DIAPH3: variants seen among roughly 807,000 people sequenced by gnomAD.
DIAPH3 encodes the protein diaphanous related formin 3.
DIAPH3 carries 117 observed loss-of-function variants against 144.3 expected under a neutral mutation model. The ratio of observed to expected loss-of-function variants is 0.81; its 90% CI spans 0.70 to 0.95. The LOEUF (loss-of-function observed/expected upper bound fraction) is 0.95, where lower values mean the gene tolerates loss of function less well. DIAPH3 is among the 40% of genes least tolerant of loss of function. DIAPH3 has a pLI of 0.00. For synonymous variants in DIAPH3, 519 were observed against 488.9 expected, an observed-to-expected ratio of 1.06 and a Z score of -0.81; for missense variants, 1,421 against 1,412.7, an observed-to-expected ratio of 1.01 and a Z score of -0.09.
At chr13:60,069,327 G>C (rs9538559) in intron 4 of DIAPH3, among the ~76,000 whole-genome samples, 34,786 of 151,746 alleles carry the variant, frequency 0.23, 4,164 homozygotes, top group Middle Eastern at 0.28. Context: ...TTTTTAATGG[G>C]GTTGTTTTTT....
chr13:59,711,482 A>G (rs1176489065), intron 27 of DIAPH3, among the ~76,000 whole-genome samples: 1 of 152,148 alleles, frequency 6.6e-6, no homozygotes, highest in African/African-American at 2.4e-5. Flanking sequence ...TGCTACCATC[A>G]CCATTACCAC....
At position 59,970,931 on chromosome 13, in the gene DIAPH3, AGAG is replaced by A; in HGVS notation, c.1877_1879del (p.Pro626del). On this transcript the variant is annotated inframe_deletion, in exon 16 of 28. Transcript: ENST00000400324. ...TTTCAACCCAAATGGCAGGATTGGT[AGAG>A]GAGGAGAATTTTGTCCTCCAAGGAA... 4.3e-6 allele frequency: 7 copies of A among 1,613,896 alleles called. No individual in the cohort carries two copies. Among genetic ancestry groups the A allele is most frequent in the Non-Finnish European group, 5.9e-6 (7 of 1,179,956 alleles).
intron 17 of DIAPH3, among the ~76,000 whole-genome samples, chr13:59,931,305 C>A (rs188028254): frequency 6.6e-6 from 1 of 152,190 alleles, no homozygotes; most frequent in East Asian, 1.9e-4. Context: ...TGGACCACAG[C>A]CGGTTTCTAA....
intron 23 of DIAPH3, among the ~76,000 whole-genome samples, chr13:59,836,559 A>T (rs1289756627): frequency 6.6e-6 from 1 of 151,848 alleles, no homozygotes; most frequent in East Asian, 1.9e-4. Context: ...AGTATATGTA[A>T]AGAGTAAGCA....
intron 25 of DIAPH3, among the ~76,000 whole-genome samples, chr13:59,791,876 A>G (rs1447312740): frequency 6.6e-6 from 1 of 152,208 alleles, no homozygotes; most frequent in Non-Finnish European, 1.5e-5. Flanking sequence ...TGAAAATATT[A>G]GAATTACTTC....
chr13:60,032,827 G>A (rs1004406210), intron 5 of DIAPH3, among the ~76,000 whole-genome samples: 1 of 152,202 alleles, frequency 6.6e-6, no homozygotes, highest in African/African-American at 2.4e-5. Flanking sequence ...GTTCCTCTCT[G>A]AAAAAACCTT....
chr13:59,783,609 C>A (rs1408853164), intron 25 of DIAPH3, among the ~76,000 whole-genome samples: 8 of 152,164 alleles, frequency 5.3e-5, no homozygotes, highest in Non-Finnish European at 1.2e-4. Flanking sequence ...CTGAATTCAT[C>A]CATTTAGATT....
chr13:59,931,160 T>C (rs1374685799), intron 17 of DIAPH3, among the ~76,000 whole-genome samples: 3 of 152,226 alleles, frequency 2.0e-5, no homozygotes, highest in Non-Finnish European at 4.4e-5. Flanking sequence ...ATTTTGCTAC[T>C]ATTCCCCTCA....
At chr13:59,968,418 T>G (rs1244679290) in intron 17 of DIAPH3, among the ~76,000 whole-genome samples, 1 of 152,202 alleles carries the variant, frequency 6.6e-6, no homozygotes, top group Non-Finnish European at 1.5e-5. Flanking sequence ...TAAACACAAA[T>G]TTTAACTGCC....
At chr13:59,897,662 C>T (rs1360970098) in intron 20 of DIAPH3, among the ~76,000 whole-genome samples, 1 of 151,434 alleles carries the variant, frequency 6.6e-6, no homozygotes, top group African/African-American at 2.4e-5. Context: ...GCAAGAGAAT[C>T]GTTTGAACCC....
intron 27 of DIAPH3, among the ~76,000 whole-genome samples, chr13:59,705,258 T>G (rs945741452): frequency 6.6e-6 from 1 of 152,178 alleles, no homozygotes; most frequent in Non-Finnish European, 1.5e-5. Flanking sequence ...AGAGCCGCCA[T>G]GAATTTTTAA....
chr13:59,697,303 C>A (rs1475089682), intron 27 of DIAPH3, among the ~76,000 whole-genome samples: 1 of 150,530 alleles, frequency 6.6e-6, no homozygotes, highest in African/African-American at 2.4e-5. Flanking sequence ...ACTAAAAATA[C>A]AAAAAAATTA....
intron 27 of DIAPH3, among the ~76,000 whole-genome samples, chr13:59,773,754 T>C (rs1476136969): frequency 6.6e-6 from 1 of 151,830 alleles, no homozygotes; most frequent in Non-Finnish European, 1.5e-5. Context: ...TCATCTACAC[T>C]TACCATTTTG....
At chr13:60,085,654 AGCCCCTTT>A (rs2057722728) in intron 4 of DIAPH3, among the ~76,000 whole-genome samples, 1 of 152,138 alleles carries the variant, frequency 6.6e-6, no homozygotes. Flanking sequence ...TCAATTACTT[AGCCCCTTT>A]GTTCACTGAA....
chr13:60,059,192 T>C (rs1377325017), intron 4 of DIAPH3, among the ~76,000 whole-genome samples: 1 of 151,556 alleles, frequency 6.6e-6, no homozygotes, highest in Non-Finnish European at 1.5e-5. Context: ...AAAAACTAAT[T>C]TGTAGTGTTA....
intron 27 of DIAPH3, among the ~76,000 whole-genome samples, chr13:59,692,668 C>T (rs2033595469): frequency 6.6e-6 from 1 of 152,038 alleles, no homozygotes; most frequent in African/African-American, 2.4e-5. Context: ...CACTCTTTTG[C>T]CATGCAGAAA....
chr13:59,839,680 A>G (rs867828812), intron 22 of DIAPH3, among the ~76,000 whole-genome samples: 7 of 152,362 alleles, frequency 4.6e-5, no homozygotes, highest in African/African-American at 1.4e-4. Flanking sequence ...GCTCACACAC[A>G]CAAATAAACC....
chr13:59,711,066 T>G (rs2034708323), intron 27 of DIAPH3, among the ~76,000 whole-genome samples: 1 of 152,200 alleles, frequency 6.6e-6, no homozygotes, highest in Admixed American at 6.5e-5. Flanking sequence ...AATATAGACT[T>G]TCCACCCTTA....
chr13:59,846,163 A>G lies in DIAPH3; in HGVS notation c.2738-6715T>C, dbSNP rs139823806. Among the ~76,000 whole-genome samples the G allele has an allele frequency of 4.5e-3, 679 of 152,280 alleles. 3 individuals are homozygous for G. Among genetic ancestry groups the G allele is most frequent in the Non-Finnish European group, 7.9e-3 (535 of 68,010 alleles). ...AAGCAGTCATGAATACATGCTTTTTATAACACCATGGCCTCTATGATTTAC... is the reference window on the plus strand; with the variant it reads ...AAGCAGTCATGAATACATGCTTTTTGTAACACCATGGCCTCTATGATTTAC... On this transcript the variant is annotated intron_variant, in intron 22 of 27. Transcript: ENST00000400324.
Sources: gnomAD v4.1 joint callset for allele counts (sites outside exome capture counted in the v4.1 genomes callset) on GRCh38, gnomAD v4.1.1 for gene constraint, MANE v1.5 for transcripts, NCBI Gene and HGNC (gene_info 2026-07-23, HGNC 2026-07-21) for gene names.